The following ARHGEF18 variants were observed in gnomAD, a reference collection of about 807,000 sequenced individuals.
ARHGEF18 encodes rho guanine nucleotide exchange factor 18.
Under a neutral mutation model 155.7 loss-of-function variants are expected in ARHGEF18, and 93 were observed. The observed-to-expected ratio is 0.60, with a 90% CI of 0.50 to 0.71. The LOEUF (loss-of-function observed/expected upper bound fraction) is 0.71. ARHGEF18 is among the 30% of genes least tolerant of loss of function. ARHGEF18 has a pLI of 0.00. For missense variants in ARHGEF18, 1,593 were observed against 1,816.1 expected, an observed-to-expected ratio of 0.88 and a Z score of 2.23; for synonymous variants, 742 against 753.1, an observed-to-expected ratio of 0.99 and a Z score of 0.24.
At chr19:7,366,768 ATTAT>A (rs1969904858) in intron 2 of ARHGEF18, among the ~76,000 whole-genome samples, 1 of 151,946 alleles carries the variant, frequency 6.6e-6, no homozygotes, top group Non-Finnish European at 1.5e-5. Flanking sequence ...ATGTAATTTA[ATTAT>A]TTATTTGTAG....
chr19:7,419,554 C>T (rs1362025363), intron 10 of ARHGEF18, among the ~76,000 whole-genome samples: 1 of 152,110 alleles, frequency 6.6e-6, no homozygotes, highest in African/African-American at 2.4e-5. Context: ...CTACCCTTGC[C>T]TGCTGCAGGA....
chr19:7,377,785 CAAAA>C (rs60336111), intron 5 of ARHGEF18, among the ~76,000 whole-genome samples: 3,505 of 103,742 alleles, frequency 0.034, 112 homozygotes, highest in African/African-American at 0.09. Context: ...GAAACCGTCT[CAAAA>C]AAAAAAAAAA....
At chr19:7,460,448 G>A (rs925855596) in intron 20 of ARHGEF18, among the ~76,000 whole-genome samples, 13 of 152,028 alleles carry the variant, frequency 8.6e-5, no homozygotes, top group African/African-American at 3.1e-4. Context: ...TGGGGTTCAG[G>A]GGCATTTCAG....
Position 7,463,712 on chromosome 19 carries a change from C to A in ARHGEF18, c.2636-106C>A. The A allele has an allele frequency of 7.4e-7, 1 of 1,357,352 alleles. No homozygotes were observed. Among genetic ancestry groups the A allele is most frequent in the Admixed American group, 2.6e-5 (1 of 38,260 alleles). The allele number at this position is 1,357,352 out of a possible 1,614,324, so 84.1% of individuals were successfully genotyped here. A position where few individuals can be genotyped will look rare whatever the true frequency, so the allele number is the denominator to read the frequency against. On this transcript the variant is annotated intron_variant, in intron 21 of 28. Coordinates refer to ENST00000668164, the MANE Select transcript of ARHGEF18 (RefSeq NM_001367823.1). The surrounding 1 kb of genome is among the most constrained non-coding windows in gnomAD (Gnocchi z 5.2). ...CAGAAGGGGGCAGGCGATCACCACC[C>A]CAGTGAGTCCCTCCGTCCACCCGGG... is the stretch of plus-strand genomic sequence containing the variant.
At position 7,451,161 on chromosome 19, in the gene ARHGEF18, T is replaced by G; in HGVS notation, c.1750T>G (p.Phe584Val). The G allele has an allele frequency of 6.7e-7, 1 of 1,488,304 alleles. No homozygotes were observed. The highest frequency in any genetic ancestry group is 8.9e-7 in the Non-Finnish European group (1 of 1,124,848). The allele number at this position is 1,488,304 out of a possible 1,614,324, so 92.2% of individuals were successfully genotyped here. A position where few individuals can be genotyped will look rare whatever the true frequency, so the allele number is the denominator to read the frequency against. ...FQNLIKKIGN[F>V]SIVRRLGVQE... Reference sequence around the variant, plus strand: ...TTCTGTTTCCTAGAAAATTGGCAACTTCTCCATCGTGCGGCGGCTTGGCGT... The same window carrying G: ...TTCTGTTTCCTAGAAAATTGGCAACGTCTCCATCGTGCGGCGGCTTGGCGT... The change falls in exon 16 of 29, where the codon TTC (phenylalanine) becomes GTC (valine). Residue 584 changes from phenylalanine (F) to valine (V), a missense_variant. Transcript: ENST00000668164.
intron 1 of ARHGEF18, among the ~76,000 whole-genome samples, chr19:7,361,990 TGGAAGAAGAAGA>T (rs1568264109): frequency 3.6e-5 from 4 of 111,064 alleles, no homozygotes; most frequent in African/African-American, 1.9e-4. Flanking sequence ...CAAGACTCTG[TGGAAGAAGAAGA>T]AGAAGAAGAA....
rs1454980144 is a variant in ARHGEF18 at position 7,468,842 on chromosome 19, C to A, written c.3498C>A (p.His1166Gln). 1 of 1,561,622 alleles carries A rather than the reference C, an allele frequency of 6.4e-7. No homozygotes were observed. The highest frequency in any genetic ancestry group is 8.7e-7 in the Non-Finnish European group (1 of 1,149,758). Reference protein sequence around the residue: ...DTLAEAQPPSHPPSFNGEGLE... With the variant: ...DTLAEAQPPSQPPSFNGEGLE... ...CCCCTCAGGCCCAGCCCCCAAGCCA[C>A]CCTCCCAGCTTCAACGGGGAAGGGC... Residue 1166 changes from histidine (H) to glutamine (Q), a missense_variant, in exon 27 of 29, where the codon CAC becomes CAA. Coordinates refer to ENST00000668164, the MANE Select transcript of ARHGEF18 (RefSeq NM_001367823.1).
At position 7,451,251 on chromosome 19, in the gene ARHGEF18, A is replaced by G. The variant is rs150177497; in HGVS notation, c.1840A>G (p.Ile614Val). The change falls in exon 16 of 29, where the codon ATC (isoleucine) becomes GTC (valine). Residue 614 changes from isoleucine to valine, a missense_variant. Coordinates refer to ENST00000668164, the MANE Select transcript of ARHGEF18 (RefSeq NM_001367823.1). ...ATACCCAGTGCTGGTGGAGCGCATC[A>G]TCCAGAACACGGAAGGTAGGCCTTC... is the stretch of plus-strand genomic sequence containing the variant. The part of the protein sequence containing the change: ...TKYPVLVERI[I>V]QNTEAGTEDY... 1.9e-6 allele frequency: 3 copies of G among 1,613,110 alleles called. No homozygotes were observed. Among genetic ancestry groups the G allele is most frequent in the Non-Finnish European group, 1.7e-6 (2 of 1,179,746 alleles).
intron 10 of ARHGEF18, among the ~76,000 whole-genome samples, chr19:7,437,143 C>G (rs1168504179): frequency 3.3e-5 from 5 of 152,134 alleles, no homozygotes; most frequent in Admixed American, 3.3e-4. Context: ...AAAAGTTGCT[C>G]AGAGGCCGGC....
intron 1 of ARHGEF18, among the ~76,000 whole-genome samples, chr19:7,359,356 A>G (rs1340669736): frequency 6.6e-6 from 1 of 152,184 alleles, no homozygotes; most frequent in East Asian, 1.9e-4. Context: ...GGTAATTGAC[A>G]GAGCTCAGTC....
At chr19:7,381,549 G>A (rs1005572965) in intron 8 of ARHGEF18, among the ~76,000 whole-genome samples, 5 of 151,954 alleles carry the variant, frequency 3.3e-5, no homozygotes, top group Admixed American at 3.3e-4. Flanking sequence ...GTGGTGGCGG[G>A]TGCCTGTAAT....
intron 3 of ARHGEF18, among the ~76,000 whole-genome samples, chr19:7,373,790 G>A (rs1850571448): frequency 6.6e-6 from 1 of 150,838 alleles, no homozygotes; most frequent in Admixed American, 6.6e-5. Context: ...CTCATAAGGA[G>A]TGTGCAACCT....
rs779391912 is a variant in ARHGEF18 at position 7,440,500 on chromosome 19, C to T, written c.1106+18C>T. The T allele has an allele frequency of 2.5e-6, 4 of 1,584,686 alleles. No homozygotes were observed. The highest frequency in any genetic ancestry group is 2.2e-5 in the East Asian group (1 of 44,660). On this transcript the variant is annotated intron_variant, in intron 11 of 28. Transcript: ENST00000668164. The surrounding 1 kb of genome is among the most constrained non-coding windows in gnomAD (Gnocchi z 5.4). The stretch of plus-strand genomic sequence containing the variant: ...CAACTCGGGTAAGCCAGGGTCCCCT[C>T]TGTGCCCTCGGGTGGGTGGTGGCAT...
intron 10 of ARHGEF18, among the ~76,000 whole-genome samples, chr19:7,394,374 G>C (rs77239504): frequency 1.3e-5 from 2 of 151,956 alleles, no homozygotes; most frequent in East Asian, 3.9e-4. Context: ...TTTCTCAGGT[G>C]ACAGACCCTG....
rs2082689557 is a variant in ARHGEF18, at chr19:7,444,887, C to T, written c.1611+433C>T. ...TTCCTGGCTTAAGCAATCCCCCTGC[C>T]TCGGCATCCCAAAGTGCAGGGATCA... On this transcript the variant is annotated intron_variant, in intron 14 of 28. Coordinates refer to ENST00000668164, the MANE Select transcript of ARHGEF18 (RefSeq NM_001367823.1). This position sits in a 1 kb window ranked among gnomAD's most constrained non-coding sequence, Gnocchi z 4.7. 6.6e-6 allele frequency among the ~76,000 whole-genome samples: 1 copy of T among 152,156 alleles called. No individual in the cohort carries two copies. The highest frequency in any genetic ancestry group is 1.5e-5 in the Non-Finnish European group (1 of 68,028).
intron 10 of ARHGEF18, among the ~76,000 whole-genome samples, chr19:7,426,428 A>T (rs908800892): frequency 3.0e-4 from 45 of 149,582 alleles, no homozygotes; most frequent in Non-Finnish European, 2.4e-4. Flanking sequence ...CAGAGGTTGC[A>T]GTGAGCTGAG....
At chr19:7,436,755 C>T (rs1462274672) in intron 10 of ARHGEF18, among the ~76,000 whole-genome samples, 2 of 152,106 alleles carry the variant, frequency 1.3e-5, no homozygotes, top group East Asian at 3.8e-4. Flanking sequence ...TCATAATTGC[C>T]TGGGTGGAGT....
chr19:7,422,716 CTTTTT>C (rs67634093), intron 10 of ARHGEF18, among the ~76,000 whole-genome samples: 1,380 of 111,212 alleles, frequency 0.012, 25 homozygotes, highest in African/African-American at 0.043. Context: ...TCTAACTTTT[CTTTTT>C]TTTTTTTTTT....
rs1973351128 is a variant in ARHGEF18 at position 7,421,545 on chromosome 19, G to A, written c.968-18799G>A. Among the ~76,000 whole-genome samples the A allele has an allele frequency of 2.0e-5, 3 of 152,132 alleles. No individual in the cohort carries two copies. In the South Asian group the frequency reaches 6.2e-4, roughly 32 times the overall value. On this transcript the variant is annotated intron_variant, in intron 10 of 28. Transcript: ENST00000668164. ...GGAGGCCAAGGCAGGCAGATTACCT[G>A]AGGTCAGGAGTTCAAGACCAGGCTG...
Sources: gnomAD v4.1 joint callset for allele counts (sites outside exome capture counted in the v4.1 genomes callset) on GRCh38, gnomAD v4.1.1 for gene constraint, Gnocchi (gnomAD v3.1) non-coding constraint, MANE v1.5 for transcripts, NCBI Gene and HGNC (gene_info 2026-07-23, HGNC 2026-07-21) for gene names.